The following KLF15 variants were observed in gnomAD, a reference collection of about 807,000 sequenced individuals.
KLF15 encodes the protein Krueppel-like factor 15.
In KLF15, 4 loss-of-function variants were observed where a neutral mutation model predicts 24.6. The ratio of observed to expected loss-of-function variants is 0.16; its 90% CI spans 0.08 to 0.37. The LOEUF (loss-of-function observed/expected upper bound fraction) is 0.37. KLF15 is among the 10% of genes least tolerant of loss of function. The probability of loss-of-function intolerance (pLI) is 1.00; values close to 1 mark genes in which losing one functional copy is unlikely to be tolerated. For synonymous variants in KLF15, 246 were observed against 236.3 expected (o/e 1.04, Z -0.37); for missense variants, 496 against 560.6 (o/e 0.88, Z 1.16).
At position 126,352,020 on chromosome 3, in the gene KLF15, G is replaced by A. The variant is rs756401244; in HGVS notation, c.903C>T (p.Ala301=). The A allele has an allele frequency of 1.6e-5, 24 of 1,542,806 alleles. No individual in the cohort carries two copies. The highest frequency in any genetic ancestry group is 6.2e-5 in the South Asian group (5 of 80,698). ...VGSGPLGPGP[A]GLLMGQKFPK... Reference sequence around the variant, plus strand: ...GGAACTTCTGGCCCATGAGGAGACCGGCAGGGCCAGGCCCCAGGGGTCCCG... The same window carrying A: ...GGAACTTCTGGCCCATGAGGAGACCAGCAGGGCCAGGCCCCAGGGGTCCCG... The change falls in exon 2 of 3, where the codon GCC becomes GCT. Residue 301 remains alanine (A), a synonymous_variant. Transcript: ENST00000296233.
chr3:126,352,108 A>C lies in KLF15; in HGVS notation c.815T>G (p.Leu272Trp). ...GCGCACAAACTTGGAGGGCAGGTTC[A>C]AGTTGGAGGAGGGTACCACCTGGGG... ...LVPQVVPSSNLNLPSKFVRIA... is the reference protein window; with the variant it reads ...LVPQVVPSSNWNLPSKFVRIA... The change falls in exon 2 of 3, where the codon TTG becomes TGG. Residue 272 changes from leucine (L) to tryptophan (W), a missense_variant. Coordinates refer to ENST00000296233, the MANE Select transcript of KLF15 (RefSeq NM_014079.4). 1.9e-6 allele frequency: 3 copies of C among 1,554,198 alleles called. No individual in the cohort carries two copies. Among genetic ancestry groups the C allele is most frequent in the Non-Finnish European group, 2.6e-6 (3 of 1,148,396 alleles).
At chr3:126,329,546 G>A in the KLF15 span, among the ~76,000 whole-genome samples, 3 of 152,058 alleles carry the variant, frequency 2.0e-5, no homozygotes, top group African/African-American at 7.2e-5. Flanking sequence ...AACCTCTATA[G>A]GATGTTTCAG....
the KLF15 span, among the ~76,000 whole-genome samples, chr3:126,301,737 C>A: frequency 6.6e-6 from 1 of 151,376 alleles, no homozygotes; most frequent in African/African-American, 2.4e-5. Flanking sequence ...GCCTCAGCCT[C>A]CCGAGTAGCT....
At chr3:126,292,267 G>A in the KLF15 span, among the ~76,000 whole-genome samples, 1 of 152,148 alleles carries the variant, frequency 6.6e-6, no homozygotes. Context: ...CACCACTTCT[G>A]AGGAATTAGC....
At chr3:126,330,620 C>T in the KLF15 span, among the ~76,000 whole-genome samples, 14 of 151,866 alleles carry the variant, frequency 9.2e-5, no homozygotes, top group African/African-American at 3.4e-4. Context: ...TGGGTGCATG[C>T]TGCTATTTGT....
rs1444474160 is a variant in KLF15 at position 126,343,527 on chromosome 3, CA to C, written c.*199del. On this transcript the variant is annotated 3_prime_UTR_variant, in exon 3 of 3. Transcript: ENST00000296233. The stretch of plus-strand genomic sequence containing the variant: ...CCCCGTGCGCCTGGGGCCCAGCCCC[CA>C]GGGACGCGGGTTCGAGGCTCTAAGT... 1.8e-6 allele frequency: 1 copy of C among 551,900 alleles called. No homozygotes were observed. Among genetic ancestry groups the C allele is most frequent in the Non-Finnish European group, 3.1e-6 (1 of 321,964 alleles). 34.2% of individuals were successfully genotyped at this position (551,900 alleles called of 1,614,324 possible). A position where few individuals can be genotyped will look rare whatever the true frequency, so the allele number is the denominator to read the frequency against.
chr3:126,354,939 A>G (rs1364945502), intron 1 of KLF15, among the ~76,000 whole-genome samples: 1 of 152,250 alleles, frequency 6.6e-6, no homozygotes, highest in Non-Finnish European at 1.5e-5. Flanking sequence ...TGTTGTGAGA[A>G]TTCCGTGAGC....
the KLF15 span, among the ~76,000 whole-genome samples, chr3:126,323,853 G>A: frequency 6.6e-6 from 1 of 151,832 alleles, no homozygotes; most frequent in African/African-American, 2.4e-5. Context: ...AGTTTGCTGA[G>A]GATGATGGCT....
the KLF15 span, among the ~76,000 whole-genome samples, chr3:126,299,988 A>T: frequency 1.3e-5 from 2 of 152,130 alleles, no homozygotes; most frequent in Non-Finnish European, 2.9e-5. Context: ...AGGCAAACTC[A>T]TATGGGGTGT....
the KLF15 span, among the ~76,000 whole-genome samples, chr3:126,311,418 G>T: frequency 3.3e-5 from 5 of 152,192 alleles, no homozygotes; most frequent in East Asian, 7.7e-4. Context: ...TGTTCACCTC[G>T]GGTGAACCCT....
chr3:126,354,835 G>A (rs1220882646), intron 1 of KLF15, among the ~76,000 whole-genome samples: 1 of 152,194 alleles, frequency 6.6e-6, no homozygotes, highest in Non-Finnish European at 1.5e-5. Context: ...TCTGCAAGTT[G>A]TCTGCCAGGT....
At position 126,356,991 on chromosome 3, in the gene KLF15, G is replaced by C. The variant is rs1034990353; in HGVS notation, c.-26+246C>G. Among the ~76,000 whole-genome samples, 1 of 151,774 alleles carries C rather than the reference G, an allele frequency of 6.6e-6. No homozygotes were observed. Among genetic ancestry groups the C allele is most frequent in the African/African-American group, 2.4e-5 (1 of 41,336 alleles). Reference sequence around the variant, plus strand: ...GAATCGCCCGGCCAGGCACCGAGGCGGCGGCGCGGGCCTCAGCAAAGTGCT... The same window carrying C: ...GAATCGCCCGGCCAGGCACCGAGGCCGCGGCGCGGGCCTCAGCAAAGTGCT... On this transcript the variant is annotated intron_variant, in intron 1 of 2. Transcript: ENST00000296233. The surrounding 1 kb of genome is among the most constrained non-coding windows in gnomAD (Gnocchi z 4.4).
the KLF15 span, among the ~76,000 whole-genome samples, chr3:126,307,481 A>G: frequency 2.6e-5 from 4 of 152,186 alleles, no homozygotes; most frequent in Non-Finnish European, 4.4e-5. Context: ...GATGGTGGCT[A>G]TGGGCAAGGT....
At chr3:126,357,031 GC>G (rs1279721753) in intron 1 of KLF15, among the ~76,000 whole-genome samples, 1,764 of 151,166 alleles carry the variant, frequency 0.012, 32 homozygotes, top group African/African-American at 0.041. Flanking sequence ...GGCGACCGGG[GC>G]GGGGGGGGTC....
In KLF15 at chr3:126,352,636, A is replaced by G. The variant is rs531473167; in HGVS notation, c.287T>C (p.Ile96Thr). Residue 96 changes from isoleucine (I) to threonine (T), a missense_variant, in exon 2 of 3, where the codon ATT becomes ACT. Ile to Thr is a moderately conservative substitution (Grantham distance 89). Transcript: ENST00000296233. ...GGCCACGGGGCCACTGCTGGCCCCA[A>G]TGCTACTGCCGCTGCCCCCGCCACT... Reference protein sequence around the residue: ...LGSGGGSGSSIGASSGPVAWG... With the variant: ...LGSGGGSGSSTGASSGPVAWG... 21 of 1,594,722 alleles carry G rather than the reference A, an allele frequency of 1.3e-5. No individual in the cohort carries two copies. Among genetic ancestry groups the G allele is most frequent in the South Asian group, 3.4e-5 (3 of 89,426 alleles).
the KLF15 span, among the ~76,000 whole-genome samples, chr3:126,312,754 A>G: frequency 1.3e-5 from 2 of 152,162 alleles, no homozygotes; most frequent in African/African-American, 4.8e-5. Context: ...TTGCGTTTTC[A>G]CAGTTTTGGA....
chr3:126,329,077 G>T, the KLF15 span, among the ~76,000 whole-genome samples: 1 of 152,134 alleles, frequency 6.6e-6, no homozygotes, highest in Non-Finnish European at 1.5e-5. Context: ...TTTCCATAAT[G>T]GCACCTGCAT....
the KLF15 span, among the ~76,000 whole-genome samples, chr3:126,311,809 C>T: frequency 6.6e-6 from 1 of 152,208 alleles, no homozygotes; most frequent in South Asian, 2.1e-4. Flanking sequence ...TCCTTCCTGC[C>T]TCCTAAGAGA....
At position 126,349,564 on chromosome 3, in the gene KLF15, T is replaced by G. The variant is rs564901019; in HGVS notation, c.1082+2277A>C. 8.5e-5 allele frequency among the ~76,000 whole-genome samples: 13 copies of G among 152,338 alleles called. No individual in the cohort carries two copies. The South Asian group carries it at 2.7e-3, about 32-fold the overall frequency. ...GGCCACTGTATAGAGAACTAAGATC[T>G]GCCTCACTGAGATACACTTTGGGCT... is the stretch of plus-strand genomic sequence containing the variant. On this transcript the variant is annotated intron_variant, in intron 2 of 2. Coordinates refer to ENST00000296233, the MANE Select transcript of KLF15 (RefSeq NM_014079.4).
Sources: allele counts gnomAD v4.1 joint callset (sites outside exome capture counted in the v4.1 genomes callset), GRCh38; gene constraint gnomAD v4.1.1; non-coding constraint Gnocchi (gnomAD v3.1); transcripts MANE v1.5; gene names NCBI Gene and HGNC (gene_info 2026-07-23, HGNC 2026-07-21).